Variants in GALNTL6 observed in about 807,000 individuals in gnomAD.
The protein encoded by GALNTL6 is polypeptide N-acetylgalactosaminyltransferase like 6, also known as polypeptide N-acetylgalactosaminyltransferase-like 6.
A neutral mutation model predicts 73.7 loss-of-function variants in GALNTL6; 46 were observed. The observed-to-expected ratio is 0.62, with a 90% CI of 0.49 to 0.80. The LOEUF is 0.80. Among genes scored for constraint, GALNTL6 ranks in the 30% least tolerant of loss-of-function variants. GALNTL6 has a pLI of 0.00. For synonymous variants in GALNTL6, 259 were observed against 263.7 expected (o/e 0.98, Z 0.17); for missense variants, 604 against 755.0 (o/e 0.80, Z 2.34).
intron 4 of GALNTL6, among the ~76,000 whole-genome samples, chr4:172,318,709 C>A (rs553029664): frequency 6.9e-6 from 1 of 145,888 alleles, no homozygotes; most frequent in Non-Finnish European, 1.5e-5. Context: ...TCCCCCCCAC[C>A]CCCCAAAAAA....
At chr4:172,575,127 C>T (rs973534531) in intron 5 of GALNTL6, among the ~76,000 whole-genome samples, 7 of 152,098 alleles carry the variant, frequency 4.6e-5, no homozygotes, top group Admixed American at 2.0e-4. Flanking sequence ...CTAGCCTTGC[C>T]GATACAACTC....
chr4:171,996,609 A>G (rs1232130460), intron 2 of GALNTL6, among the ~76,000 whole-genome samples: 1 of 151,498 alleles, frequency 6.6e-6, no homozygotes, highest in Non-Finnish European at 1.5e-5. Context: ...TTATTTTACT[A>G]TTATTATATT....
intron 5 of GALNTL6, among the ~76,000 whole-genome samples, chr4:172,658,383 C>T (rs1377689717): frequency 2.7e-5 from 4 of 146,848 alleles, no homozygotes; most frequent in South Asian, 2.2e-4. Flanking sequence ...AGGAGAATGG[C>T]GTGAATCCGG....
intron 2 of GALNTL6, among the ~76,000 whole-genome samples, chr4:171,923,731 A>G (rs987146754): frequency 2.1e-4 from 31 of 147,772 alleles, no homozygotes; most frequent in South Asian, 6.4e-4. Context: ...ATTATATCTC[A>G]GTAGCCATTT....
intron 2 of GALNTL6, among the ~76,000 whole-genome samples, chr4:172,129,677 A>G (rs1328003248): frequency 6.6e-6 from 1 of 152,242 alleles, no homozygotes; most frequent in Non-Finnish European, 1.5e-5. Flanking sequence ...TGGAGACCCA[A>G]AAGTAAATTT....
At position 172,306,756 on chromosome 4, in the gene GALNTL6, C is replaced by T. The variant is rs1006321958; in HGVS notation, c.248-4858C>T. On this transcript the variant is annotated intron_variant, in intron 3 of 12. Coordinates refer to ENST00000506823, the MANE Select transcript of GALNTL6 (RefSeq NM_001034845.3). The stretch of plus-strand genomic sequence containing the variant: ...GAGTTATTTCACTTAAAATGATGGT[C>T]TACAGCTCCATACAGGTTGCTACAA... Among the ~76,000 whole-genome samples, 4 of 152,320 alleles carry T rather than the reference C, an allele frequency of 2.6e-5. No homozygotes were observed. In the South Asian group the frequency reaches 8.3e-4, roughly 32 times the overall value.
intron 5 of GALNTL6, among the ~76,000 whole-genome samples, chr4:172,701,854 A>C (rs571544234): frequency 4.6e-5 from 7 of 152,244 alleles, no homozygotes; most frequent in South Asian, 2.1e-4. Flanking sequence ...ATAAATAAGA[A>C]TAAAAGAGAG....
intron 2 of GALNTL6, among the ~76,000 whole-genome samples, chr4:171,996,859 A>G (rs887708922): frequency 1.3e-5 from 2 of 152,088 alleles, no homozygotes; most frequent in African/African-American, 4.8e-5. Context: ...AAGTAATAGC[A>G]TAGTGCCTAA....
intron 2 of GALNTL6, among the ~76,000 whole-genome samples, chr4:172,041,374 A>G (rs1211660386): frequency 6.6e-6 from 1 of 152,098 alleles, no homozygotes; most frequent in Non-Finnish European, 1.5e-5. Flanking sequence ...AAAAAATTCT[A>G]CATGCTGATC....
intron 5 of GALNTL6, among the ~76,000 whole-genome samples, chr4:172,513,768 C>T (rs907583044): frequency 3.9e-5 from 6 of 152,176 alleles, no homozygotes; most frequent in Admixed American, 1.3e-4. Context: ...TTATCATCCT[C>T]GGGTCTCTCA....
chr4:173,018,836 G>A lies in GALNTL6; in HGVS notation c.1489-2640G>A, dbSNP rs561904045. Among the ~76,000 whole-genome samples, 9 of 152,322 alleles carry A rather than the reference G, an allele frequency of 5.9e-5. No individual in the cohort carries two copies. In the South Asian group the frequency reaches 6.2e-4, roughly 11 times the overall value. Reference sequence around the variant, plus strand: ...AACAGCAAAGGCCAGATTGTGGAGCGTTCCTAAGAGGTCAAAGAGTTTGAA... The same window carrying A: ...AACAGCAAAGGCCAGATTGTGGAGCATTCCTAAGAGGTCAAAGAGTTTGAA... On this transcript the variant is annotated intron_variant, in intron 11 of 12. Transcript: ENST00000506823.
chr4:171,819,178 G>A (rs1399474668), intron 2 of GALNTL6, among the ~76,000 whole-genome samples: 3 of 152,032 alleles, frequency 2.0e-5, no homozygotes, highest in Non-Finnish European at 4.4e-5. Flanking sequence ...AGCCACAGTG[G>A]TCTTAATTAG....
chr4:172,231,731 A>G (rs932416282), intron 3 of GALNTL6, among the ~76,000 whole-genome samples: 2 of 152,162 alleles, frequency 1.3e-5, no homozygotes, highest in South Asian at 2.1e-4. Flanking sequence ...TGGAAACTCA[A>G]CTAATGATAA....
At chr4:172,370,898 T>A (rs1220658375) in intron 5 of GALNTL6, among the ~76,000 whole-genome samples, 1 of 152,204 alleles carries the variant, frequency 6.6e-6, no homozygotes, top group South Asian at 2.1e-4. Context: ...GTCTGAGAAA[T>A]CCTTTGAGAG....
intron 5 of GALNTL6, among the ~76,000 whole-genome samples, chr4:172,367,997 C>T (rs1241953107): frequency 2.0e-5 from 3 of 152,064 alleles, no homozygotes; most frequent in South Asian, 4.1e-4. Context: ...CAAAATGATA[C>T]TCAAAATGTG....
chr4:172,314,699 C>T (rs1740483587), intron 4 of GALNTL6, among the ~76,000 whole-genome samples: 1 of 150,106 alleles, frequency 6.7e-6, no homozygotes, highest in Non-Finnish European at 1.5e-5. Context: ...CCTCCGCCTC[C>T]TGGGTTCAAG....
chr4:172,928,233 A>G (rs1748160881), intron 8 of GALNTL6, among the ~76,000 whole-genome samples: 1 of 152,216 alleles, frequency 6.6e-6, no homozygotes, highest in Non-Finnish European at 1.5e-5. Context: ...GAGTTTGCAT[A>G]ATCTATAGAT....
At chr4:172,390,231 A>G (rs986397632) in intron 5 of GALNTL6, among the ~76,000 whole-genome samples, 10 of 152,156 alleles carry the variant, frequency 6.6e-5, no homozygotes, top group African/African-American at 2.2e-4. Context: ...TCTAATAGCT[A>G]TGTTTGCAAT....
chr4:172,630,638 T>C (rs2111094010), intron 5 of GALNTL6, among the ~76,000 whole-genome samples: 1 of 152,134 alleles, frequency 6.6e-6, no homozygotes, highest in South Asian at 2.1e-4. Context: ...AGTTTACTTT[T>C]AAGCTTTCAT....
Sources: allele counts gnomAD v4.1 joint callset (sites outside exome capture counted in the v4.1 genomes callset), GRCh38; gene constraint gnomAD v4.1.1; transcripts MANE v1.5; gene names NCBI Gene and HGNC (gene_info 2026-07-23, HGNC 2026-07-21).